Variants in KCNIP4 observed in about 807,000 individuals in gnomAD.
KCNIP4 encodes Kv channel-interacting protein 4.
KCNIP4 carries 12 observed loss-of-function variants against 34.0 expected under a neutral mutation model. The ratio of observed to expected loss-of-function variants is 0.35; its 90% CI spans 0.23 to 0.57. The LOEUF (loss-of-function observed/expected upper bound fraction) is 0.57. Ranked by LOEUF, KCNIP4 falls within the 20% of genes least tolerant of loss-of-function variation. The pLI, the probability that KCNIP4 is intolerant of heterozygous loss-of-function variation, is 0.83. For synonymous variants in KCNIP4, 124 were observed against 102.2 expected, an observed-to-expected ratio of 1.21 and a Z score of -1.29; for missense variants, 238 against 311.7, an observed-to-expected ratio of 0.76 and a Z score of 1.78.
At chr4:20,853,440 T>C (rs1476994859) in intron 2 of KCNIP4, among the ~76,000 whole-genome samples, 1 of 152,050 alleles carries the variant, frequency 6.6e-6, no homozygotes, top group Non-Finnish European at 1.5e-5. Flanking sequence ...GCTAGCCTCA[T>C]GTAGGAGAAT....
At chr4:21,462,630 C>G (rs1729557866) in intron 1 of KCNIP4, among the ~76,000 whole-genome samples, 1 of 152,070 alleles carries the variant, frequency 6.6e-6, no homozygotes, top group African/African-American at 2.4e-5. Flanking sequence ...ACTTTAGATT[C>G]TGCATATGAG....
chr4:21,135,805 C>T (rs2109189705), intron 1 of KCNIP4, among the ~76,000 whole-genome samples: 1 of 152,242 alleles, frequency 6.6e-6, no homozygotes, highest in East Asian at 1.9e-4. Flanking sequence ...GCTTTATTTC[C>T]TTGGGTCAGC....
rs565066100 is a variant in KCNIP4, at chr4:20,975,668, C to G, written c.62-92959G>C. Among the ~76,000 whole-genome samples, 109 of 152,204 alleles carry G rather than the reference C, an allele frequency of 7.2e-4. 1 individual carries two copies. Among genetic ancestry groups the G allele is most frequent in the Admixed American group, 1.2e-3 (18 of 15,268 alleles). On this transcript the variant is annotated intron_variant, in intron 1 of 8. Coordinates refer to ENST00000382152, the MANE Select transcript of KCNIP4 (RefSeq NM_025221.6). ...AATAGTACAGAAGGGATAGAAAAAC[C>G]TAGTTAAATTTCCAAAAAACAATAA...
chr4:21,644,393 C>T (rs1746856679), intron 1 of KCNIP4, among the ~76,000 whole-genome samples: 1 of 152,170 alleles, frequency 6.6e-6, no homozygotes, highest in African/African-American at 2.4e-5. Context: ...ATGGGAGGCA[C>T]AGCCTTGTTC....
In KCNIP4 at chr4:20,926,817, G is replaced by A. The variant is rs79419807; in HGVS notation, c.62-44108C>T. On this transcript the variant is annotated intron_variant, in intron 1 of 8. Coordinates refer to ENST00000382152, the MANE Select transcript of KCNIP4 (RefSeq NM_025221.6). ...GATTTCTTGTTACTATATGGTATTTGTGCTTTCAACTTAGTTTCTCTTGCT... is the reference window on the plus strand; with the variant it reads ...GATTTCTTGTTACTATATGGTATTTATGCTTTCAACTTAGTTTCTCTTGCT... 6.5e-3 allele frequency among the ~76,000 whole-genome samples: 991 copies of A among 152,192 alleles called. 7 individuals are homozygous for A. Among genetic ancestry groups the A allele is most frequent in the African/African-American group, 0.023 (936 of 41,518 alleles).
intron 1 of KCNIP4, among the ~76,000 whole-genome samples, chr4:21,922,933 C>T (rs751205462): frequency 1.3e-5 from 2 of 152,046 alleles, no homozygotes; most frequent in Admixed American, 6.6e-5. Context: ...TATTATAACC[C>T]GAAAGTCAAG....
intron 1 of KCNIP4, among the ~76,000 whole-genome samples, chr4:20,974,032 T>C (rs778807146): frequency 7.9e-5 from 12 of 152,156 alleles, no homozygotes; most frequent in Non-Finnish European, 1.6e-4. Context: ...AGACACAAAC[T>C]GAGCACATGC....
chr4:21,376,299 T>C (rs1720954982), intron 1 of KCNIP4, among the ~76,000 whole-genome samples: 1 of 152,174 alleles, frequency 6.6e-6, no homozygotes, highest in Admixed American at 6.5e-5. Flanking sequence ...ATGGTTTCCA[T>C]TTACTCCCTT....
At chr4:21,705,595 A>G (rs1302532536) in intron 1 of KCNIP4, among the ~76,000 whole-genome samples, 1 of 152,144 alleles carries the variant, frequency 6.6e-6, no homozygotes, top group Non-Finnish European at 1.5e-5. Context: ...GAAAGAAACA[A>G]CAGAGCAGGC....
At chr4:20,914,591 A>G (rs1043433580) in intron 1 of KCNIP4, among the ~76,000 whole-genome samples, 2 of 152,198 alleles carry the variant, frequency 1.3e-5, no homozygotes, top group Non-Finnish European at 2.9e-5. Flanking sequence ...TAAAATAATT[A>G]TAATTATTAT....
At chr4:20,730,302 A>ATGG (rs1475969829) in intron 8 of KCNIP4, among the ~76,000 whole-genome samples, 173 bp from the exon 9 acceptor site, 3 of 152,242 alleles carry the variant, frequency 2.0e-5, no homozygotes, top group Non-Finnish European at 2.9e-5. Context: ...CATTTTCCAC[A>ATGG]TAGATGACTA....
chr4:21,553,630 G>T (rs1354719630), intron 1 of KCNIP4, among the ~76,000 whole-genome samples: 1 of 152,042 alleles, frequency 6.6e-6, no homozygotes, highest in Non-Finnish European at 1.5e-5. Context: ...ATGTCACCAG[G>T]ATTATTCTGA....
At chr4:20,985,870 T>C (rs1262014136) in intron 1 of KCNIP4, among the ~76,000 whole-genome samples, 4 of 152,320 alleles carry the variant, frequency 2.6e-5, no homozygotes, top group Admixed American at 1.3e-4. Flanking sequence ...TATTATAGTA[T>C]ACCATGCTCA....
intron 1 of KCNIP4, among the ~76,000 whole-genome samples, chr4:21,074,890 T>G (rs1745331289): frequency 6.6e-6 from 1 of 152,218 alleles, no homozygotes; most frequent in Non-Finnish European, 1.5e-5. Flanking sequence ...TTCATTTCGT[T>G]ATGTACCCAG....
chr4:21,473,285 G>A (rs1430690374), intron 1 of KCNIP4, among the ~76,000 whole-genome samples: 1 of 152,084 alleles, frequency 6.6e-6, no homozygotes, highest in African/African-American at 2.4e-5. Flanking sequence ...TCTCAGTCAG[G>A]GAATACGGGG....
At chr4:21,937,033 A>G (rs1849540) in intron 1 of KCNIP4, among the ~76,000 whole-genome samples, 152,045 of 152,124 alleles carry the variant, frequency 1, 75,983 homozygotes, top group Middle Eastern at 1. Context: ...CCAAACTGGC[A>G]CCCCAGTTTA....
chr4:21,655,961 G>A (rs1210739264), intron 1 of KCNIP4, among the ~76,000 whole-genome samples: 1 of 152,222 alleles, frequency 6.6e-6, no homozygotes. Flanking sequence ...CAGGAGCTAA[G>A]CTGCATGTCT....
intron 1 of KCNIP4, among the ~76,000 whole-genome samples, chr4:21,156,711 T>C (rs544577333): frequency 1.3e-5 from 2 of 152,286 alleles, no homozygotes; most frequent in East Asian, 1.9e-4. Flanking sequence ...TCAGAGCCCA[T>C]GTTCTTAACC....
chr4:21,728,770 T>C (rs1003461330), intron 1 of KCNIP4, among the ~76,000 whole-genome samples: 5 of 152,156 alleles, frequency 3.3e-5, no homozygotes, highest in Non-Finnish European at 7.3e-5. Context: ...GATCCTCCCC[T>C]GGGGAAGCCC....
Sources: gnomAD v4.1 joint callset for allele counts (sites outside exome capture counted in the v4.1 genomes callset) on GRCh38, gnomAD v4.1.1 for gene constraint, MANE v1.5 for transcripts, NCBI Gene and HGNC (gene_info 2026-07-23, HGNC 2026-07-21) for gene names.